Variants in NKAIN1 observed in about 807,000 individuals in gnomAD.
The protein encoded by NKAIN1 is sodium/potassium transporting ATPase interacting 1.
NKAIN1 carries 13 observed loss-of-function variants against 31.6 expected under a neutral mutation model. The ratio of observed to expected loss-of-function variants is 0.41; its 90% CI spans 0.27 to 0.65. The LOEUF (loss-of-function observed/expected upper bound fraction) is 0.65, where lower values mean the gene tolerates loss of function less well. NKAIN1 is among the 30% of genes least tolerant of loss of function. The pLI is 0.30. For missense variants in NKAIN1, 193 were observed against 262.2 expected (o/e 0.74, Z 1.82); for synonymous variants, 104 against 109.0 (o/e 0.95, Z 0.28).
intron 1 of NKAIN1, among the ~76,000 whole-genome samples, chr1:31,211,870 A>C (rs560957457): frequency 6.6e-6 from 1 of 152,168 alleles, no homozygotes. Flanking sequence ...TGAACCCAGG[A>C]GGCGGAGGTT....
intron 1 of NKAIN1, among the ~76,000 whole-genome samples, chr1:31,191,589 A>T (rs933645753): frequency 6.6e-6 from 1 of 152,086 alleles, no homozygotes; most frequent in Non-Finnish European, 1.5e-5. Flanking sequence ...ATATCACATA[A>T]ACTAACAGAC....
chr1:31,187,939 G>A (rs1019112900), intron 2 of NKAIN1, 111 bp downstream of exon 2: 14 of 1,174,852 alleles, frequency 1.2e-5, no homozygotes, highest in Admixed American at 2.6e-5. Flanking sequence ...GTGGAGCCAA[G>A]ACCAGTGCCC....
rs936911843 is a variant in NKAIN1 at position 31,233,905 on chromosome 1, G to A, written c.54+5589C>T. Among the ~76,000 whole-genome samples, 2 of 152,204 alleles carry A rather than the reference G, an allele frequency of 1.3e-5. No individual in the cohort carries two copies. Among genetic ancestry groups the A allele is most frequent in the African/African-American group, 4.8e-5 (2 of 41,446 alleles). ...GCTCAGAGAGGGTGCAGGACTTCCT[G>A]GGAGTCACAAAGCAAGGCCTGATCC... is the stretch of plus-strand genomic sequence containing the variant. On this transcript the variant is annotated intron_variant, in intron 1 of 6. Transcript: ENST00000373736. The surrounding 1 kb of genome is among the most constrained non-coding windows in gnomAD (Gnocchi z 4.0).
intron 1 of NKAIN1, among the ~76,000 whole-genome samples, chr1:31,189,132 G>A (rs1297253999): frequency 6.6e-5 from 10 of 151,930 alleles, no homozygotes; most frequent in African/African-American, 2.2e-4. Context: ...GAGAAGCCAC[G>A]GGGAGGAGAG....
intron 1 of NKAIN1, among the ~76,000 whole-genome samples, chr1:31,229,213 TAG>T (rs1285965328): frequency 6.6e-6 from 1 of 152,214 alleles, no homozygotes; most frequent in African/African-American, 2.4e-5. Flanking sequence ...CAACTCCAGG[TAG>T]AGTTAGCTAG....
intron 1 of NKAIN1, among the ~76,000 whole-genome samples, chr1:31,231,573 C>T (rs1231125451): frequency 6.6e-6 from 1 of 152,198 alleles, no homozygotes; most frequent in Admixed American, 6.5e-5. Flanking sequence ...CTCTGTCACC[C>T]AGGCTGGAGT....
intron 1 of NKAIN1, among the ~76,000 whole-genome samples, chr1:31,221,868 A>G (rs1248592911): frequency 6.6e-6 from 1 of 151,748 alleles, no homozygotes; most frequent in Non-Finnish European, 1.5e-5. Context: ...GCAGTATCAG[A>G]ACTGCATTTT....
intron 1 of NKAIN1, among the ~76,000 whole-genome samples, chr1:31,200,137 C>A (rs1169508318): frequency 6.6e-6 from 1 of 152,226 alleles, no homozygotes; most frequent in Admixed American, 6.5e-5. Flanking sequence ...TGTCTTTCTT[C>A]CAGGGCTTTT....
chr1:31,192,069 C>G (rs141764866), intron 1 of NKAIN1, among the ~76,000 whole-genome samples: 1 of 152,196 alleles, frequency 6.6e-6, no homozygotes, highest in African/African-American at 2.4e-5. Context: ...AGCCACTGCG[C>G]TGGGCCTCCC....
At chr1:31,199,344 G>T (rs7545488) in intron 1 of NKAIN1, among the ~76,000 whole-genome samples, 4 of 152,102 alleles carry the variant, frequency 2.6e-5, no homozygotes, top group Non-Finnish European at 5.9e-5. Context: ...CATAAAGCTC[G>T]CAGCCAGCCG....
At chr1:31,182,411 C>G (rs931664500) in intron 5 of NKAIN1, 119 bp downstream of exon 5, 14 of 1,127,126 alleles carry the variant, frequency 1.2e-5, no homozygotes, top group African/African-American at 3.1e-5. Context: ...CTCTTCCCCT[C>G]GAAAGGGGCC....
At chr1:31,229,306 T>C (rs950280571) in intron 1 of NKAIN1, among the ~76,000 whole-genome samples, 3 of 152,062 alleles carry the variant, frequency 2.0e-5, no homozygotes, top group African/African-American at 7.2e-5. Context: ...TGGAGGTGAG[T>C]GATGGGCCAC....
intron 1 of NKAIN1, among the ~76,000 whole-genome samples, chr1:31,218,321 C>T (rs533693829): frequency 2.8e-4 from 43 of 152,244 alleles, no homozygotes; most frequent in Non-Finnish European, 4.9e-4. Context: ...CTCAGCCTTC[C>T]AAAGTGCTGG....
intron 1 of NKAIN1, among the ~76,000 whole-genome samples, chr1:31,212,786 G>A (rs1324036229): frequency 6.6e-6 from 1 of 152,044 alleles, no homozygotes; most frequent in Admixed American, 6.5e-5. Flanking sequence ...GGATCACAAG[G>A]TCAGGAGATC....
Position 31,188,091 on chromosome 1 carries a change from T to C in NKAIN1, c.151A>G (p.Ile51Val). Residue 51 changes from isoleucine to valine, a missense_variant, in exon 2 of 7, where the codon ATC becomes GTC. Physicochemically the swap from Ile to Val is conservative, Grantham distance 29 (BLOSUM62 3). Transcript: ENST00000373736. Reference sequence around the variant, plus strand: ...GAGCGGTACTGCACGGTGCCAAAGATGCCCAGGATGACTGCCATGATGTGC... The same window carrying C: ...GAGCGGTACTGCACGGTGCCAAAGACGCCCAGGATGACTGCCATGATGTGC... ...FLHIMAVILGIFGTVQYRSRY... is the reference protein window; with the variant it reads ...FLHIMAVILGVFGTVQYRSRY... 6.4e-7 allele frequency: 1 copy of C among 1,553,612 alleles called. No homozygotes were observed.
intron 1 of NKAIN1, among the ~76,000 whole-genome samples, chr1:31,220,174 A>ATTT (rs552267355): frequency 7.9e-6 from 1 of 127,278 alleles, no homozygotes; most frequent in Non-Finnish European, 1.7e-5. Context: ...CGCCCAGCTA[A>ATTT]TTTTTTTTTT....
intron 1 of NKAIN1, among the ~76,000 whole-genome samples, chr1:31,236,424 A>G (rs1645692844): frequency 6.6e-6 from 1 of 152,236 alleles, no homozygotes; most frequent in Non-Finnish European, 1.5e-5. Context: ...TTTTCAGCTG[A>G]AAGATATTTA....
intron 1 of NKAIN1, among the ~76,000 whole-genome samples, chr1:31,228,269 T>C (rs1279840611): frequency 6.6e-6 from 1 of 152,140 alleles, no homozygotes; most frequent in Non-Finnish European, 1.5e-5. Context: ...AAAACAGGCT[T>C]AGGAACCAAT....
chr1:31,215,201 C>T (rs1645501749), intron 1 of NKAIN1, among the ~76,000 whole-genome samples: 1 of 152,206 alleles, frequency 6.6e-6, no homozygotes, highest in Non-Finnish European at 1.5e-5. Flanking sequence ...CTGACTTCTC[C>T]TTCCGACTAA....
Sources: gnomAD v4.1 joint callset for allele counts (sites outside exome capture counted in the v4.1 genomes callset) on GRCh38, gnomAD v4.1.1 for gene constraint, Gnocchi (gnomAD v3.1) non-coding constraint, MANE v1.5 for transcripts, NCBI Gene and HGNC (gene_info 2026-07-23, HGNC 2026-07-21) for gene names.